The following CDH2 variants were observed in gnomAD, a reference collection of about 807,000 sequenced individuals.
CDH2 encodes cadherin-2.
A neutral mutation model predicts 92.0 loss-of-function variants in CDH2; 17 were observed. The observed-to-expected ratio is 0.18, with a 90% CI of 0.13 to 0.28. CDH2 has a LOEUF of 0.28. CDH2 is among the 10% of genes least tolerant of loss of function. CDH2 has a pLI of 1.00. For synonymous variants in CDH2, 419 were observed against 415.9 expected (o/e 1.01, Z -0.09); for missense variants, 862 against 1,133.1 (o/e 0.76, Z 3.44).
At chr18:27,949,912 T>C (rs190055741), downstream of CDH2, among the ~76,000 whole-genome samples, 63 of 152,146 alleles carry the variant, frequency 4.1e-4, 2 homozygotes, top group Admixed American at 4.0e-3. Context: ...CTGTGAATTG[T>C]ACATCAACCA....
chr18:28,098,885 G>A (rs2015181660), intron 2 of CDH2, among the ~76,000 whole-genome samples: 1 of 152,016 alleles, frequency 6.6e-6, no homozygotes, highest in South Asian at 2.1e-4. Context: ...ACATTAATTG[G>A]GGGTTACAAA....
At chr18:28,019,648 A>G (rs1024646166) in intron 2 of CDH2, among the ~76,000 whole-genome samples, 1 of 152,140 alleles carries the variant, frequency 6.6e-6, no homozygotes, top group Non-Finnish European at 1.5e-5. Context: ...AATTGTATAA[A>G]GGTCAGTCAT....
At chr18:28,070,632 C>G (rs1224965788) in intron 2 of CDH2, among the ~76,000 whole-genome samples, 1 of 152,194 alleles carries the variant, frequency 6.6e-6, no homozygotes, top group African/African-American at 2.4e-5. Context: ...GACGACAAAG[C>G]CTTCTGGAAT....
At chr18:27,985,472 C>G (rs916650683) in intron 12 of CDH2, 56 bp downstream of exon 12, 1 of 1,175,448 alleles carries the variant, frequency 8.5e-7, no homozygotes. Context: ...ACTTTTCATG[C>G]CAGGCTTCAA....
chr18:28,081,544 G>A (rs1228883035), intron 2 of CDH2, among the ~76,000 whole-genome samples: 1 of 152,164 alleles, frequency 6.6e-6, no homozygotes, highest in Non-Finnish European at 1.5e-5. Flanking sequence ...TATTTAGCAA[G>A]TCATGATATT....
chr18:28,110,034 T>C (rs753218943), intron 2 of CDH2, among the ~76,000 whole-genome samples: 1 of 152,162 alleles, frequency 6.6e-6, no homozygotes, highest in Admixed American at 6.6e-5. Flanking sequence ...TACAAGGCCA[T>C]ATGGTGTCCT....
At chr18:28,085,941 T>C (rs1175107593) in intron 2 of CDH2, among the ~76,000 whole-genome samples, 2 of 152,186 alleles carry the variant, frequency 1.3e-5, no homozygotes, top group Admixed American at 6.5e-5. Flanking sequence ...TAACTACCAC[T>C]GTACCCATCT....
intron 14 of CDH2, among the ~76,000 whole-genome samples, chr18:27,982,275 G>A (rs17493388): frequency 2.2e-4 from 34 of 152,220 alleles, no homozygotes; most frequent in African/African-American, 8.2e-4. Context: ...TCCATTTATG[G>A]TCATTCTCAT....
rs1445640526 is a variant in CDH2 at position 28,177,081 on chromosome 18, C to CGGCGGCGGCGGCGGA, written c.-60_-59insTCCGCCGCCGCCGCC. The stretch of plus-strand genomic sequence containing the variant: ...GAGGCGGCGGCGGCGGCGGCGGCGG[C>CGGCGGCGGCGGCGGA]GGAGGAGGAGGAGGCAGCGGCAGCA... On this transcript the variant is annotated 5_prime_UTR_variant, in exon 1 of 16. Transcript: ENST00000269141. The CGGCGGCGGCGGCGGA allele has an allele frequency of 7.2e-5, 76 of 1,053,112 alleles. No homozygotes were observed. Among genetic ancestry groups the CGGCGGCGGCGGCGGA allele is most frequent in the South Asian group, 1.6e-4 (10 of 60,938 alleles). 65.2% of individuals were successfully genotyped at this position (1,053,112 alleles called of 1,614,324 possible). A position where few individuals can be genotyped will look rare whatever the true frequency, so the allele number is the denominator to read the frequency against.
At position 27,952,116 on chromosome 18, in the gene CDH2, G is replaced by A. The variant is rs11564422; in HGVS notation, c.*37C>T. 104,497 of 1,528,194 alleles carry A rather than the reference G, an allele frequency of 0.068. 4,058 individuals are homozygous for A. The highest frequency in any genetic ancestry group is 0.14 in the African/African-American group (10,462 of 73,222). The allele number at this position is 1,528,194 out of a possible 1,614,324, so 94.7% of individuals were successfully genotyped here. A position where few individuals can be genotyped will look rare whatever the true frequency, so the allele number is the denominator to read the frequency against. ...CTTTTTGGGAATATCAGTTGAAATT[G>A]TTTGTACTTGTCCAAAAACCAAGTT... On this transcript the variant is annotated 3_prime_UTR_variant, in exon 16 of 16. Coordinates refer to ENST00000269141, the MANE Select transcript of CDH2 (RefSeq NM_001792.5).
chr18:27,938,061 C>T (rs1014086554), intron 6 of CDH2, among the ~76,000 whole-genome samples: 5 of 151,902 alleles, frequency 3.3e-5, no homozygotes, highest in African/African-American at 4.8e-5. Context: ...TTGCTGTCCT[C>T]GCGATAGTGA....
At chr18:28,010,939 G>GT (rs71378905) in intron 4 of CDH2, among the ~76,000 whole-genome samples, 24,815 of 139,714 alleles carry the variant, frequency 0.18, 2,314 homozygotes, top group East Asian at 0.31. Flanking sequence ...TGCCCTGCCT[G>GT]TTTTTTTTTT....
chr18:28,096,661 T>G (rs533063140), intron 2 of CDH2, among the ~76,000 whole-genome samples: 1 of 152,308 alleles, frequency 6.6e-6, no homozygotes, highest in East Asian at 1.9e-4. Context: ...AATTATCAAA[T>G]CAGGGAAGAA....
intron 15 of CDH2, 43 bp from the exon 16 acceptor site, chr18:27,952,402 T>C: frequency 6.7e-7 from 1 of 1,488,942 alleles, no homozygotes; most frequent in Non-Finnish European, 9.4e-7. Context: ...TAAGAGAGGG[T>C]TACACTTTAC....
intron 2 of CDH2, among the ~76,000 whole-genome samples, chr18:28,048,560 G>A (rs529641825): frequency 1.3e-4 from 20 of 152,252 alleles, no homozygotes; most frequent in African/African-American, 3.8e-4. Context: ...AAGTGGGCAC[G>A]GAGAGACTGG....
intron 2 of CDH2, among the ~76,000 whole-genome samples, chr18:28,133,951 C>T (rs2015818390): frequency 6.6e-6 from 1 of 151,950 alleles, no homozygotes; most frequent in Non-Finnish European, 1.5e-5. Flanking sequence ...TGGGGCCCAG[C>T]AGTTTGAGAC....
downstream of CDH2, chr18:27,950,862 G>C (rs1158759279): frequency 6.6e-6 from 1 of 152,288 alleles, no homozygotes; most frequent in Non-Finnish European, 1.5e-5. Context: ...ATGGTGAATA[G>C]TGCAAGAACA....
intron 1 of CDH2, among the ~76,000 whole-genome samples, chr18:28,170,609 T>G (rs2016450583): frequency 6.6e-6 from 1 of 152,168 alleles, no homozygotes; most frequent in Admixed American, 6.5e-5. Flanking sequence ...CCTCCCAAAG[T>G]GCTGGGATTA....
Position 27,992,739 on chromosome 18 carries a change from G to A in CDH2, c.1260C>T (p.Tyr420=), listed in dbSNP as rs2012459299. The A allele has an allele frequency of 6.2e-7, 1 of 1,613,926 alleles. No homozygotes were observed. Among genetic ancestry groups the A allele is most frequent in the Admixed American group, 1.7e-5 (1 of 59,990 alleles). The part of the protein sequence containing the change: ...QPHTPAWNAV[Y]RISGGDPTGR... ...CAGTAGGATCTCCGCCACTGATTCT[G>A]TACACTGCGTTCCAGGCTGGTGTAT... Residue 420 remains tyrosine, a synonymous_variant, in exon 9 of 16, where the codon TAC becomes TAT. Transcript: ENST00000269141.
Sources: gnomAD v4.1 joint callset for allele counts (sites outside exome capture counted in the v4.1 genomes callset) on GRCh38, gnomAD v4.1.1 for gene constraint, MANE v1.5 for transcripts, NCBI Gene and HGNC (gene_info 2026-07-23, HGNC 2026-07-21) for gene names.